SCUBE1: variants seen among roughly 807,000 people sequenced by gnomAD.
SCUBE1 encodes the protein signal peptide, CUB domain and EGF like domain containing 1, also known as signal peptide, CUB and EGF-like domain-containing protein 1.
In SCUBE1, 59 loss-of-function variants were observed where a neutral mutation model predicts 124.4. That is an observed-to-expected ratio of 0.47 (90% CI 0.38 to 0.59). The LOEUF is 0.59. Among genes scored for constraint, SCUBE1 ranks in the 20% least tolerant of loss-of-function variants. The pLI is 0.00. For missense variants in SCUBE1, 1,150 were observed against 1,371.2 expected, an observed-to-expected ratio of 0.84 and a Z score of 2.55; for synonymous variants, 545 against 550.9, an observed-to-expected ratio of 0.99 and a Z score of 0.15.
rs193288922 is a variant in SCUBE1 at position 43,262,886 on chromosome 22, C to A, written c.485-41G>T. On this transcript the variant is annotated intron_variant, in intron 4 of 21. Transcript: ENST00000360835. ...GACAAGAGACGGGTTGAAGACCAGG[C>A]AGAGAGGGAGAGAGAAAATTTCAGG... The A allele has an allele frequency of 3.5e-3, 5,543 of 1,590,488 alleles. 13 individuals are homozygous for A. Among genetic ancestry groups the A allele is most frequent in the Non-Finnish European group, 4.3e-3 (5,054 of 1,162,204 alleles).
chr22:43,277,728 G>A (rs1924589621), intron 4 of SCUBE1, among the ~76,000 whole-genome samples: 1 of 152,260 alleles, frequency 6.6e-6, no homozygotes, highest in South Asian at 2.1e-4. Context: ...ACTATGCTCA[G>A]CTATGATGCG....
chr22:43,291,045 C>A lies in SCUBE1; in HGVS notation c.484+1G>T. ...GCCTGGTCAGCATAGGCTGTACTCA[C>A]CATTGGAGCGGTGGATGCAGGTATG... is the stretch of plus-strand genomic sequence containing the variant. On this transcript the variant is annotated splice_donor_variant, in intron 4 of 21. Transcript: ENST00000360835. LOFTEE classifies it high-confidence loss of function. 6.2e-7 allele frequency: 1 copy of A among 1,605,694 alleles called. No individual in the cohort carries two copies. The highest frequency in any genetic ancestry group is 8.5e-7 in the Non-Finnish European group (1 of 1,175,006).
At chr22:43,331,863 G>A (rs1926913304) in intron 2 of SCUBE1, among the ~76,000 whole-genome samples, 2 of 152,200 alleles carry the variant, frequency 1.3e-5, no homozygotes, top group Non-Finnish European at 2.9e-5. Flanking sequence ...GGGGCCGGAT[G>A]AGCCGGGGAT....
chr22:43,212,423 A>G lies in SCUBE1; in HGVS notation c.2221+2T>C. 1 of 1,549,852 alleles carries G rather than the reference A, an allele frequency of 6.5e-7. No individual in the cohort carries two copies. The highest frequency in any genetic ancestry group is 8.7e-7 in the Non-Finnish European group (1 of 1,146,754). On this transcript the variant is annotated splice_donor_variant, in intron 17 of 21. Transcript: ENST00000360835. LOFTEE classifies it high-confidence loss of function. The stretch of plus-strand genomic sequence containing the variant: ...CGGGCGTGGTGGGGAGGGCATGCTC[A>G]CCTTTAGCCTCGCAGTCCTGGAAGG...
At chr22:43,215,603 G>T (rs752392247) in intron 15 of SCUBE1, among the ~76,000 whole-genome samples, 19 of 152,212 alleles carry the variant, frequency 1.2e-4, no homozygotes, top group Non-Finnish European at 2.6e-4. Context: ...CCAGGATTAG[G>T]CCTCGAAGCT....
Position 43,231,884 on chromosome 22 carries a change from G to A in SCUBE1, c.845-9C>T. ...CAGGCACTCGTTGATGTCTGTGGGA[G>A]CCAAGGGGGATGGAGGAGTGAGAGC... On this transcript the variant is annotated splice_polypyrimidine_tract_variant and intron_variant, in intron 7 of 21. Transcript: ENST00000360835. The A allele has an allele frequency of 6.2e-7, 1 of 1,611,952 alleles. No individual in the cohort carries two copies. The highest frequency in any genetic ancestry group is 8.5e-7 in the Non-Finnish European group (1 of 1,178,378).
At chr22:43,245,979 C>T (rs780983729) in intron 6 of SCUBE1, among the ~76,000 whole-genome samples, 11 of 152,122 alleles carry the variant, frequency 7.2e-5, no homozygotes, top group Non-Finnish European at 1.3e-4. Flanking sequence ...GATGGAGGGA[C>T]GGTGCCCTGC....
At chr22:43,249,375 CAT>C (rs1010417418) in intron 6 of SCUBE1, among the ~76,000 whole-genome samples, 1 of 152,128 alleles carries the variant, frequency 6.6e-6, no homozygotes, top group African/African-American at 2.4e-5. Context: ...CAGGAATGCA[CAT>C]GTCCCGATGA....
At chr22:43,214,046 C>CCGGGGGGGGGGGGGGG in intron 16 of SCUBE1, 44 bp downstream of exon 16, 5 of 422,702 alleles carry the variant, frequency 1.2e-5, no homozygotes, top group Non-Finnish European at 2.1e-5. Flanking sequence ...GAGGAGCCCC[C>CCGGGGGGGGGGGGGGG]GCCCACCCCC....
chr22:43,286,123 T>C (rs1925131310), intron 4 of SCUBE1, among the ~76,000 whole-genome samples: 1 of 152,240 alleles, frequency 6.6e-6, no homozygotes, highest in South Asian at 2.1e-4. Context: ...AGGGCCTCAT[T>C]TCCTCATCTG....
chr22:43,342,774 G>A (rs1333470285), intron 1 of SCUBE1, among the ~76,000 whole-genome samples: 2 of 150,854 alleles, frequency 1.3e-5, no homozygotes, highest in Admixed American at 6.6e-5. Flanking sequence ...CCCTTTCCCC[G>A]TCCACCTCCT....
intron 2 of SCUBE1, among the ~76,000 whole-genome samples, chr22:43,334,508 T>C (rs1365286375): frequency 7.9e-5 from 12 of 152,208 alleles, no homozygotes; most frequent in African/African-American, 9.6e-5. Context: ...ATAGTGACGA[T>C]GATGATGATC....
intron 3 of SCUBE1, among the ~76,000 whole-genome samples, chr22:43,309,038 C>G (rs1372623294): frequency 2.6e-5 from 4 of 152,006 alleles, no homozygotes; most frequent in Non-Finnish European, 1.5e-5. Flanking sequence ...GGGAGCGGAC[C>G]GTGGGCAGCA....
chr22:43,265,916 C>T (rs1336005119), intron 4 of SCUBE1, among the ~76,000 whole-genome samples: 2 of 152,130 alleles, frequency 1.3e-5, no homozygotes, highest in African/African-American at 2.4e-5. Context: ...GCCTGGCCAA[C>T]GTGGTAAAAC....
At chr22:43,269,483 C>T (rs1924207692) in intron 4 of SCUBE1, among the ~76,000 whole-genome samples, 1 of 152,160 alleles carries the variant, frequency 6.6e-6, no homozygotes, top group African/African-American at 2.4e-5. Flanking sequence ...GATAACAAAG[C>T]TGGAATGTGT....
chr22:43,218,999 T>C (rs138997), intron 14 of SCUBE1, among the ~76,000 whole-genome samples: 71,330 of 152,116 alleles, frequency 0.47, 17,733 homozygotes, highest in Middle Eastern at 0.57. Flanking sequence ...CTGAATGCCA[T>C]TCCTTGCCAC....
rs1197692387 is a variant in SCUBE1, at chr22:43,198,207, G to A, written c.*5790C>T. On this transcript the variant is annotated 3_prime_UTR_variant, in exon 22 of 22. Coordinates refer to ENST00000360835, the MANE Select transcript of SCUBE1 (RefSeq NM_173050.5). ...CTGGCACCCAGTGGGCACTGAGTGAGCGTCAGCTTCCCCACCTTTCCCTTC... is the reference window on the plus strand; with the variant it reads ...CTGGCACCCAGTGGGCACTGAGTGAACGTCAGCTTCCCCACCTTTCCCTTC... The A allele has an allele frequency of 3.8e-6, 1 of 259,838 alleles. No homozygotes were observed. The highest frequency in any genetic ancestry group is 2.5e-5 in the African/African-American group (1 of 39,958). The allele number at this position is 259,838 out of a possible 1,614,324, so 16.1% of individuals were successfully genotyped here. A position where few individuals can be genotyped will look rare whatever the true frequency, so the allele number is the denominator to read the frequency against.
chr22:43,314,197 A>G (rs1926263757), intron 3 of SCUBE1, among the ~76,000 whole-genome samples: 1 of 152,118 alleles, frequency 6.6e-6, no homozygotes, highest in Admixed American at 6.5e-5. Flanking sequence ...TGGGGACAAA[A>G]CCTTGTGCAG....
chr22:43,218,547 T>C (rs1921941177), intron 14 of SCUBE1, 89 bp from the exon 15 acceptor site: 4 of 1,389,438 alleles, frequency 2.9e-6, no homozygotes, highest in Non-Finnish European at 3.0e-6. Context: ...TGCCAGGCCC[T>C]GCACTGGGCT....
Sources: gnomAD v4.1 joint callset for allele counts (sites outside exome capture counted in the v4.1 genomes callset) on GRCh38, gnomAD v4.1.1 for gene constraint, MANE v1.5 for transcripts, NCBI Gene and HGNC (gene_info 2026-07-23, HGNC 2026-07-21) for gene names.